The following LYG1 variants were observed in gnomAD, a reference collection of about 807,000 sequenced individuals.
The protein encoded by LYG1 is lysozyme g1, also known as lysozyme g-like protein 1.
Under a neutral mutation model 21.7 loss-of-function variants are expected in LYG1, and 17 were observed. The observed-to-expected ratio is 0.78, with a 90% CI of 0.54 to 1.18. LYG1 has a LOEUF of 1.18. LYG1 is among the 50% of genes most tolerant of loss of function. LYG1 has a pLI of 0.00. For synonymous variants in LYG1, 81 were observed against 87.4 expected, an observed-to-expected ratio of 0.93 and a Z score of 0.41; for missense variants, 211 against 238.1, an observed-to-expected ratio of 0.89 and a Z score of 0.75.
At chr2:99,287,359 G>A (rs973855730) in intron 5 of LYG1, among the ~76,000 whole-genome samples, 3 of 152,256 alleles carry the variant, frequency 2.0e-5, no homozygotes, top group South Asian at 2.1e-4. Context: ...GGAACAACAC[G>A]CACTGGGGCC....
intron 2 of LYG1, 61 bp from the exon 3 acceptor site, chr2:99,295,763 T>C: frequency 6.7e-7 from 1 of 1,484,160 alleles, no homozygotes; most frequent in Non-Finnish European, 9.4e-7. Context: ...TAACCACATG[T>C]AATATTTCCA....
intron 5 of LYG1, among the ~76,000 whole-genome samples, chr2:99,286,968 T>C (rs896820694): frequency 2.0e-5 from 3 of 152,168 alleles, no homozygotes; most frequent in Non-Finnish European, 4.4e-5. Context: ...TATGACAACA[T>C]AGATGAATCT....
intron 1 of LYG1, among the ~76,000 whole-genome samples, chr2:99,299,711 G>A (rs912269228): frequency 2.6e-5 from 4 of 151,224 alleles, no homozygotes; most frequent in Admixed American, 2.6e-4. Context: ...CCAACACCTG[G>A]CCTGTTTTAA....
At chr2:99,293,099 C>G (rs2094125365) in intron 3 of LYG1, among the ~76,000 whole-genome samples, 1 of 138,052 alleles carries the variant, frequency 7.2e-6, no homozygotes, top group Non-Finnish European at 1.5e-5. Flanking sequence ...TCAAGTGATT[C>G]TCCTGCTTCA....
intron 5 of LYG1, among the ~76,000 whole-genome samples, chr2:99,288,868 AG>A (rs1441688719): frequency 6.6e-6 from 1 of 152,132 alleles, no homozygotes; most frequent in African/African-American, 2.4e-5. Context: ...CACTGTGCCC[AG>A]CCTATTTTGT....
intron 1 of LYG1, among the ~76,000 whole-genome samples, chr2:99,300,081 CTT>C (rs11355267): frequency 6.7e-6 from 1 of 149,172 alleles, no homozygotes; most frequent in Non-Finnish European, 1.5e-5. Flanking sequence ...CCACTAAGAT[CTT>C]TTTTTTTTTG....
chr2:99,284,807 T>G lies in LYG1; in HGVS notation c.347A>C (p.Gln116Pro). 6.2e-7 allele frequency: 1 copy of G among 1,612,874 alleles called. No homozygotes were observed. The highest frequency in any genetic ancestry group is 8.5e-7 in the Non-Finnish European group (1 of 1,179,864). The change falls in exon 6 of 7, where the codon CAA (glutamine) becomes CCA (proline). Residue 116 changes from glutamine to proline, a missense_variant. Transcript: ENST00000308528. ...RTSMVQDPGS[Q>P]APTSWISESQ... Reference sequence around the variant, plus strand: ...CTCACTAATCCAGGATGTGGGAGCTTGAGAGCCAGGGTCCTGCAGGGAAGG... The same window carrying G: ...CTCACTAATCCAGGATGTGGGAGCTGGAGAGCCAGGGTCCTGCAGGGAAGG...
chr2:99,295,579 C>A (rs752476591), intron 3 of LYG1, 49 bp downstream of exon 3: 17 of 1,603,718 alleles, frequency 1.1e-5, no homozygotes, highest in Non-Finnish European at 1.5e-5. Context: ...TGTTCCTGTG[C>A]TTATCCTTCC....
chr2:99,289,840 T>G (rs915036061), intron 5 of LYG1, among the ~76,000 whole-genome samples: 2 of 150,750 alleles, frequency 1.3e-5, no homozygotes, highest in East Asian at 3.9e-4. Flanking sequence ...AATTCTCTTG[T>G]TTGTTGTTGT....
chr2:99,295,535 T>C, intron 3 of LYG1, 93 bp downstream of exon 3: 1 of 1,451,728 alleles, frequency 6.9e-7, no homozygotes, highest in South Asian at 1.1e-5. Context: ...AATAATCTTT[T>C]TTGTTGCATT....
chr2:99,294,578 A>G (rs1352275787), intron 3 of LYG1, among the ~76,000 whole-genome samples: 1 of 152,152 alleles, frequency 6.6e-6, no homozygotes, highest in Non-Finnish European at 1.5e-5. Context: ...TTAGTACTGC[A>G]GTTGGTTTTA....
chr2:99,292,514 G>A, intron 4 of LYG1, 22 bp downstream of exon 4: 1 of 1,567,012 alleles, frequency 6.4e-7, no homozygotes, highest in Middle Eastern at 1.7e-4. Flanking sequence ...GATAGGTTGA[G>A]AGGGCGAAAG....
chr2:99,291,436 A>C lies in LYG1; in HGVS notation c.149-15T>G. The C allele has an allele frequency of 6.2e-7, 1 of 1,613,444 alleles. No homozygotes were observed. Among genetic ancestry groups the C allele is most frequent in the South Asian group, 1.1e-5 (1 of 90,910 alleles). On this transcript the variant is annotated splice_polypyrimidine_tract_variant and intron_variant, in intron 4 of 6. Transcript: ENST00000308528. Reference sequence around the variant, plus strand: ...AGCACGAACTCCTAAACCAAACGCAAAAGGAATGATGCAGCTTGTTGTGAC... The same window carrying C: ...AGCACGAACTCCTAAACCAAACGCACAAGGAATGATGCAGCTTGTTGTGAC...
At chr2:99,296,381 T>G (rs745641737) in intron 2 of LYG1, among the ~76,000 whole-genome samples, 35 of 151,860 alleles carry the variant, frequency 2.3e-4, no homozygotes, top group Non-Finnish European at 3.7e-4. Flanking sequence ...TGGGCAGGGG[T>G]CCCAGGATTG....
chr2:99,293,393 A>G (rs1051163785), intron 3 of LYG1, among the ~76,000 whole-genome samples: 3 of 152,210 alleles, frequency 2.0e-5, no homozygotes, highest in Non-Finnish European at 4.4e-5. Flanking sequence ...AACAAGTATA[A>G]AACCTGGATC....
chr2:99,290,634 ATT>A (rs113387352), intron 5 of LYG1, among the ~76,000 whole-genome samples: 75 of 152,314 alleles, frequency 4.9e-4, no homozygotes, highest in African/African-American at 1.7e-3. Context: ...GCCATCACTG[ATT>A]CCCTGGCGCA....
intron 2 of LYG1, among the ~76,000 whole-genome samples, chr2:99,296,664 G>T (rs1026300302): frequency 4.6e-5 from 7 of 152,114 alleles, no homozygotes; most frequent in African/African-American, 1.7e-4. Context: ...TGTCATCATT[G>T]CCCCAGTCAG....
rs946217689 is a variant in LYG1, at chr2:99,289,897, C to T, written c.333+1340G>A. On this transcript the variant is annotated intron_variant, in intron 5 of 6. Coordinates refer to ENST00000308528, the MANE Select transcript of LYG1 (RefSeq NM_174898.3). ...TTTTTGAGATGGAGTCTCGCTCTCT[C>T]GCCCAGGCTGGAGTGTAGTGGCATG... Among the ~76,000 whole-genome samples, 12 of 151,870 alleles carry T rather than the reference C, an allele frequency of 7.9e-5. No homozygotes were observed. In the South Asian group the frequency reaches 1.3e-3, roughly 16 times the overall value.
upstream of LYG1, among the ~76,000 whole-genome samples, chr2:99,302,483 G>C (rs999360159): frequency 2.0e-5 from 3 of 152,202 alleles, no homozygotes; most frequent in Non-Finnish European, 2.9e-5. Flanking sequence ...CCCCAGGTTA[G>C]ACGTGTGTTC....
Sources: gnomAD v4.1 joint callset for allele counts (sites outside exome capture counted in the v4.1 genomes callset) on GRCh38, gnomAD v4.1.1 for gene constraint, MANE v1.5 for transcripts, NCBI Gene and HGNC (gene_info 2026-07-23, HGNC 2026-07-21) for gene names.